Variants in KCNIP4 observed in about 807,000 individuals in gnomAD.
The protein encoded by KCNIP4 is Kv channel-interacting protein 4.
In KCNIP4, 12 loss-of-function variants were observed where a neutral mutation model predicts 34.0. That is an observed-to-expected ratio of 0.35 (90% CI 0.23 to 0.57). The LOEUF is 0.57. KCNIP4 is among the 20% of genes least tolerant of loss of function. The pLI is 0.83. For missense variants in KCNIP4, 238 were observed against 311.7 expected (o/e 0.76, Z 1.78); for synonymous variants, 124 against 102.2 (o/e 1.21, Z -1.29).
intron 1 of KCNIP4, among the ~76,000 whole-genome samples, chr4:21,939,896 C>A (rs979030951): frequency 1.3e-4 from 20 of 152,004 alleles, no homozygotes; most frequent in Admixed American, 1.0e-3. Flanking sequence ...AAGTGATTCC[C>A]AAAATTAAGT....
chr4:20,888,934 C>G (rs1725612535), intron 1 of KCNIP4, among the ~76,000 whole-genome samples: 1 of 152,024 alleles, frequency 6.6e-6, no homozygotes, highest in African/African-American at 2.4e-5. Flanking sequence ...GTATTTGCTC[C>G]CACAGCTTAC....
At chr4:21,337,926 T>A (rs1212993633) in intron 1 of KCNIP4, among the ~76,000 whole-genome samples, 1 of 152,160 alleles carries the variant, frequency 6.6e-6, no homozygotes, top group Admixed American at 6.5e-5. Flanking sequence ...GTAAGTGTCT[T>A]GTTTTTCTTA....
Position 21,374,309 on chromosome 4 carries a change from G to A in KCNIP4, c.62-491600C>T, listed in dbSNP as rs865857246. Among the ~76,000 whole-genome samples the A allele has an allele frequency of 2.7e-5, 4 of 147,140 alleles. 1 individual carries two copies. Among genetic ancestry groups the A allele is most frequent in the South Asian group, 4.2e-4 (2 of 4,726 alleles). The stretch of plus-strand genomic sequence containing the variant: ...GGGAGGCCTCACAAACATGGCGGAA[G>A]GTGAAAGGCAAAAGGCACAACTTAC... On this transcript the variant is annotated intron_variant, in intron 1 of 8. Coordinates refer to ENST00000382152, the MANE Select transcript of KCNIP4 (RefSeq NM_025221.6).
At chr4:21,156,087 GTAA>G (rs776717238) in intron 1 of KCNIP4, among the ~76,000 whole-genome samples, 3 of 152,024 alleles carry the variant, frequency 2.0e-5, no homozygotes, top group Non-Finnish European at 4.4e-5. Context: ...TATTGATTAA[GTAA>G]TAATAATAAT....
chr4:20,891,084 C>T (rs187698402), intron 1 of KCNIP4, among the ~76,000 whole-genome samples: 93 of 152,190 alleles, frequency 6.1e-4, no homozygotes, highest in Admixed American at 2.3e-3. Flanking sequence ...TTCTTATCTT[C>T]CTCCTTTTTG....
At chr4:21,527,161 A>C (rs774623167) in intron 1 of KCNIP4, among the ~76,000 whole-genome samples, 1 of 152,200 alleles carries the variant, frequency 6.6e-6, no homozygotes, top group Non-Finnish European at 1.5e-5. Context: ...AAGTAATGGT[A>C]GTAAGTGAAC....
At chr4:21,855,401 T>C (rs1724686861) in intron 1 of KCNIP4, among the ~76,000 whole-genome samples, 1 of 152,248 alleles carries the variant, frequency 6.6e-6, no homozygotes. Context: ...GCTGAAGCTG[T>C]GACCTTTCAA....
intron 1 of KCNIP4, among the ~76,000 whole-genome samples, chr4:21,510,539 G>A (rs1734225179): frequency 6.6e-6 from 1 of 151,686 alleles, no homozygotes; most frequent in African/African-American, 2.4e-5. Context: ...ATTCCTTTTT[G>A]TTCTGATAAC....
intron 1 of KCNIP4, among the ~76,000 whole-genome samples, chr4:21,714,794 AT>A (rs375965697): frequency 0.14 from 431 of 3,010 alleles, 13 homozygotes; most frequent in East Asian, 0.44. Flanking sequence ...TGATTATTTT[AT>A]TTTATTTTAT....
At chr4:21,852,224 T>G (rs767308450) in intron 1 of KCNIP4, 7 of 152,196 alleles carry the variant, frequency 4.6e-5, no homozygotes, top group Non-Finnish European at 7.3e-5. Context: ...GCTTCCAGAC[T>G]GCAGCTCATT....
At chr4:21,252,748 C>A (rs572276899) in intron 1 of KCNIP4, among the ~76,000 whole-genome samples, 5 of 142,914 alleles carry the variant, frequency 3.5e-5, no homozygotes, top group South Asian at 2.3e-4. Flanking sequence ...TTCCCTTTGG[C>A]AAATCCTCTT....
intron 1 of KCNIP4, among the ~76,000 whole-genome samples, chr4:21,100,258 G>C (rs552211513): frequency 6.6e-6 from 1 of 152,226 alleles, no homozygotes; most frequent in South Asian, 2.1e-4. Context: ...TTAAGAAATT[G>C]CCACAGCCTT....
chr4:21,126,272 C>T (rs1349849627), intron 1 of KCNIP4, among the ~76,000 whole-genome samples: 1 of 152,132 alleles, frequency 6.6e-6, no homozygotes, highest in Non-Finnish European at 1.5e-5. Flanking sequence ...CCATTACGGC[C>T]ATCTGGTAAG....
At position 21,712,106 on chromosome 4, in the gene KCNIP4, C is replaced by T. The variant is rs938562992; in HGVS notation, c.61+236465G>A. Among the ~76,000 whole-genome samples the T allele has an allele frequency of 2.0e-5, 3 of 147,558 alleles. No individual in the cohort carries two copies. In the East Asian group the frequency reaches 5.9e-4, roughly 29 times the overall value. On this transcript the variant is annotated intron_variant, in intron 1 of 8. Transcript: ENST00000382152. ...TCTACTATGGGAGCTATTAAAATTA[C>T]ACTAGATAAACCTGTATTTTAAAAG...
Position 21,926,033 on chromosome 4 carries a change from T to C in KCNIP4, c.61+22538A>G, listed in dbSNP as rs188682171. Among the ~76,000 whole-genome samples, 7 of 152,302 alleles carry C rather than the reference T, an allele frequency of 4.6e-5. No individual in the cohort carries two copies. The East Asian group carries it at 1.2e-3, about 25-fold the overall frequency. The stretch of plus-strand genomic sequence containing the variant: ...AGTATACTGAAAGAACAAAATGATA[T>C]ATATTCAGCTAAAGAGTTGGTAACT... On this transcript the variant is annotated intron_variant, in intron 1 of 8. Coordinates refer to ENST00000382152, the MANE Select transcript of KCNIP4 (RefSeq NM_025221.6).
chr4:20,792,440 C>A (rs1417547508), intron 3 of KCNIP4, among the ~76,000 whole-genome samples: 1 of 151,718 alleles, frequency 6.6e-6, no homozygotes, highest in Admixed American at 6.6e-5. Context: ...ATATGTAAAC[C>A]CAACCATATC....
intron 1 of KCNIP4, among the ~76,000 whole-genome samples, chr4:21,669,776 T>C (rs1034970363): frequency 3.9e-5 from 6 of 152,314 alleles, no homozygotes; most frequent in Admixed American, 3.9e-4. Context: ...CTTACCACTA[T>C]TTGTTTGCTA....
At chr4:20,891,410 T>C (rs1368565853) in intron 1 of KCNIP4, among the ~76,000 whole-genome samples, 1 of 151,934 alleles carries the variant, frequency 6.6e-6, no homozygotes, top group African/African-American at 2.4e-5. Context: ...ATCGAGACCA[T>C]CCTGGCCAAC....
Position 21,715,409 on chromosome 4 carries a change from T to C in KCNIP4, c.61+233162A>G, listed in dbSNP as rs141188799. Among the ~76,000 whole-genome samples, 167 of 152,132 alleles carry C rather than the reference T, an allele frequency of 1.1e-3. No individual in the cohort carries two copies. In the East Asian group the frequency reaches 0.02, roughly 18 times the overall value. On this transcript the variant is annotated intron_variant, in intron 1 of 8. Coordinates refer to ENST00000382152, the MANE Select transcript of KCNIP4 (RefSeq NM_025221.6). Reference sequence around the variant, plus strand: ...CCTCCCAAAGTGCTAGGATTACAGGTGTGAGCCACCGCGCCCAGCCTGATG... The same window carrying C: ...CCTCCCAAAGTGCTAGGATTACAGGCGTGAGCCACCGCGCCCAGCCTGATG...
Sources: allele counts gnomAD v4.1 joint callset (sites outside exome capture counted in the v4.1 genomes callset), GRCh38; gene constraint gnomAD v4.1.1; transcripts MANE v1.5; gene names NCBI Gene and HGNC (gene_info 2026-07-23, HGNC 2026-07-21).